The following BCAR3 variants were observed in gnomAD, a reference collection of about 807,000 sequenced individuals.
BCAR3 encodes the protein breast cancer anti-estrogen resistance protein 3.
In BCAR3, 37 loss-of-function variants were observed where a neutral mutation model predicts 80.1. The observed-to-expected ratio is 0.46, with a 90% CI of 0.36 to 0.61. The LOEUF (loss-of-function observed/expected upper bound fraction) is 0.61, where lower values mean the gene tolerates loss of function less well. Ranked by LOEUF, BCAR3 falls within the 20% of genes least tolerant of loss-of-function variation. The pLI, the probability that BCAR3 is intolerant of heterozygous loss-of-function variation, is 0.00. For missense variants in BCAR3, 978 were observed against 1,068.2 expected (o/e 0.92, Z 1.18); for synonymous variants, 389 against 418.9 (o/e 0.93, Z 0.87).
chr1:93,815,390 T>G (rs1653980839), intron 2 of BCAR3, among the ~76,000 whole-genome samples: 1 of 152,226 alleles, frequency 6.6e-6, no homozygotes. Context: ...ATTAGTTGTT[T>G]CTTTTCTTAC....
At chr1:93,689,596 GA>G (rs1177716931) in intron 3 of BCAR3, among the ~76,000 whole-genome samples, 2 of 151,734 alleles carry the variant, frequency 1.3e-5, no homozygotes, top group African/African-American at 2.4e-5. Flanking sequence ...AAATAAAGAA[GA>G]GGGAGGAGTT....
At chr1:93,567,989 C>T (rs1235802899) in intron 9 of BCAR3, 138 bp from the exon 10 acceptor site, 6 of 613,066 alleles carry the variant, frequency 9.8e-6, no homozygotes, top group Admixed American at 2.5e-5. Flanking sequence ...GAGTTCAAGA[C>T]CAGTCTGGCC....
At chr1:93,814,169 G>C (rs183821996) in intron 2 of BCAR3, among the ~76,000 whole-genome samples, 2 of 152,176 alleles carry the variant, frequency 1.3e-5, no homozygotes, top group African/African-American at 4.8e-5. Flanking sequence ...TGGCCTCTTG[G>C]TGGAGGCTGT....
At chr1:93,819,178 C>G (rs564295365) in intron 2 of BCAR3, among the ~76,000 whole-genome samples, 2 of 151,896 alleles carry the variant, frequency 1.3e-5, no homozygotes, top group Non-Finnish European at 2.9e-5. Flanking sequence ...GCCATTCTCC[C>G]GCCTCAGGCT....
intron 3 of BCAR3, among the ~76,000 whole-genome samples, chr1:93,699,341 G>A (rs1292738327): frequency 1.3e-5 from 2 of 152,092 alleles, no homozygotes; most frequent in South Asian, 4.1e-4. Context: ...GTTCTGCTTC[G>A]GCACTTGAAG....
chr1:93,728,907 A>G (rs533419797), intron 2 of BCAR3, among the ~76,000 whole-genome samples: 1 of 152,188 alleles, frequency 6.6e-6, no homozygotes, highest in African/African-American at 2.4e-5. Flanking sequence ...GAAAAAAAAA[A>G]TGCCTGTCCT....
Position 93,592,970 on chromosome 1 carries a change from G to A in BCAR3, c.358-577C>T, listed in dbSNP as rs1432566401. Among the ~76,000 whole-genome samples, 1 of 152,234 alleles carries A rather than the reference G, an allele frequency of 6.6e-6. No homozygotes were observed. The highest frequency in any genetic ancestry group is 6.5e-5 in the Admixed American group (1 of 15,282). ...CTCTTGAATCTAATAACAGAAGTCT[G>A]TCTTTATTTCACATTTCTAATATTT... On this transcript the variant is annotated intron_variant, in intron 3 of 11. Coordinates refer to ENST00000260502, the MANE Select transcript of BCAR3 (RefSeq NM_003567.4). The surrounding 1 kb of genome is among the most constrained non-coding windows in gnomAD (Gnocchi z 4.8).
intron 2 of BCAR3, among the ~76,000 whole-genome samples, chr1:93,832,129 C>T (rs527676216): frequency 6.6e-6 from 1 of 152,292 alleles, no homozygotes; most frequent in Non-Finnish European, 1.5e-5. Context: ...CCTCAAACCC[C>T]ATAACAGGAC....
intron 3 of BCAR3, among the ~76,000 whole-genome samples, chr1:93,622,786 G>A (rs922070967): frequency 2.0e-5 from 3 of 152,210 alleles, no homozygotes; most frequent in African/African-American, 7.2e-5. Context: ...GTGACATCCA[G>A]AAGGTCAATA....
upstream of BCAR3, among the ~76,000 whole-genome samples, chr1:93,684,632 C>T (rs1166877368): frequency 1.3e-5 from 2 of 152,248 alleles, no homozygotes; most frequent in African/African-American, 4.8e-5. Flanking sequence ...GTAACTTCAA[C>T]CATAAATTCA....
chr1:93,787,869 G>A (rs903475667), intron 2 of BCAR3, among the ~76,000 whole-genome samples: 3 of 152,250 alleles, frequency 2.0e-5, no homozygotes, highest in Non-Finnish European at 2.9e-5. Flanking sequence ...TTCCTTTGTT[G>A]ACGCTCTGTC....
chr1:93,638,502 T>C (rs1043124700), intron 3 of BCAR3, among the ~76,000 whole-genome samples: 10 of 152,202 alleles, frequency 6.6e-5, no homozygotes, highest in Non-Finnish European at 1.0e-4. Context: ...AGTGAGTAGG[T>C]TGAGCAGTAT....
At position 93,622,511 on chromosome 1, in the gene BCAR3, C is replaced by T. The variant is rs527774258; in HGVS notation, c.357+19793G>A. 1.8e-4 allele frequency among the ~76,000 whole-genome samples: 27 copies of T among 152,210 alleles called. No individual in the cohort carries two copies. The East Asian group carries it at 2.1e-3, about 12-fold the overall frequency. On this transcript the variant is annotated intron_variant, in intron 3 of 11. Transcript: ENST00000260502. ...CAATAGTCCATCAGAGGTCCTATTC[C>T]GCTCACAGCTGAAAGGAAAGTGCAG...
chr1:93,564,419 C>T (rs1406556355), intron 11 of BCAR3, among the ~76,000 whole-genome samples: 6 of 151,038 alleles, frequency 4.0e-5, no homozygotes, highest in Non-Finnish European at 5.9e-5. Context: ...GCTGAGATTA[C>T]AGGCATGCGC....
rs549673717 is a variant in BCAR3, at chr1:93,832,168, A to G, written c.-63+13399T>C. ...ATTAACTTCGCCTTCAAGGTGTACA[A>G]TAATAGAGTAGAGGTAGCCAAGTAG... On this transcript the variant is annotated intron_variant, in intron 2 of 13. Transcript: ENST00000370244. 1.2e-4 allele frequency among the ~76,000 whole-genome samples: 19 copies of G among 152,316 alleles called. No individual in the cohort carries two copies. The South Asian group carries it at 3.9e-3, about 32-fold the overall frequency.
In BCAR3 at chr1:93,718,631, T is replaced by C. The variant is rs1325847569; in HGVS notation, c.-62-12489A>G. On this transcript the variant is annotated intron_variant, in intron 2 of 13. Transcript: ENST00000370244. ...CTAATGTAAAGTCCCTCCAGGATGC[T>C]TGGCCATAAAGTAAATGCTGTCTAA... Among the ~76,000 whole-genome samples, 6 of 152,102 alleles carry C rather than the reference T, an allele frequency of 3.9e-5. No homozygotes were observed. In the East Asian group the frequency reaches 1.2e-3, roughly 29 times the overall value.
chr1:93,835,856 A>G (rs1248657826), intron 2 of BCAR3, among the ~76,000 whole-genome samples: 1 of 152,162 alleles, frequency 6.6e-6, no homozygotes, highest in East Asian at 1.9e-4. Context: ...CCTTTCCCAC[A>G]GGGTCTGAGA....
chr1:93,638,894 T>C (rs576157851), intron 3 of BCAR3, among the ~76,000 whole-genome samples: 19 of 152,146 alleles, frequency 1.2e-4, no homozygotes, highest in African/African-American at 4.6e-4. Flanking sequence ...AGGAAAAATG[T>C]GAAAAAAAAC....
At chr1:93,767,039 G>T (rs1652177358) in intron 2 of BCAR3, among the ~76,000 whole-genome samples, 1 of 150,932 alleles carries the variant, frequency 6.6e-6, no homozygotes, top group Non-Finnish European at 1.5e-5. Flanking sequence ...TAAAAAAAAA[G>T]CCTCCTTTTC....
Sources: allele counts gnomAD v4.1 joint callset (sites outside exome capture counted in the v4.1 genomes callset), GRCh38; gene constraint gnomAD v4.1.1; non-coding constraint Gnocchi (gnomAD v3.1); transcripts MANE v1.5; gene names NCBI Gene and HGNC (gene_info 2026-07-23, HGNC 2026-07-21).